Variants in UBA1 observed in about 807,000 individuals in gnomAD.
The protein encoded by UBA1 is ubiquitin-like modifier-activating enzyme 1.
A neutral mutation model predicts 84.7 loss-of-function variants in UBA1; 4 were observed. The observed-to-expected ratio is 0.05, with a 90% confidence interval of 0.02 to 0.11. UBA1 has a LOEUF of 0.11. UBA1 is among the 10% of genes least tolerant of loss of function. UBA1 has a pLI of 1.00. For synonymous variants in UBA1, 364 were observed against 362.6 expected, an observed-to-expected ratio of 1.00 and a Z score of -0.04; for missense variants, 513 against 902.8, an observed-to-expected ratio of 0.57 and a Z score of 5.53.
chrX:47,212,556 A>G (rs1556793820), intron 21 of UBA1, 44 bp downstream of exon 21: 3 of 1,113,526 alleles, frequency 2.7e-6, no homozygotes, highest in South Asian at 3.7e-5. Flanking sequence ...TGGGCAAAGC[A>G]TAGACAGGCT....
At chrX:47,211,989 C>G (rs1425481735) in intron 20 of UBA1, among the ~76,000 whole-genome samples, 1 of 79,167 alleles carries the variant, frequency 1.3e-5, no homozygotes, top group Non-Finnish European at 2.3e-5. Flanking sequence ...TCTTCTCCAT[C>G]TCCCCCCATA....
chrX:47,211,430 A>C (rs183184014), intron 20 of UBA1, among the ~76,000 whole-genome samples: 1 of 111,061 alleles, frequency 9.0e-6, no homozygotes, highest in East Asian at 2.9e-4. Flanking sequence ...CCTTCCCACT[A>C]TCTGGCCCTC....
At chrX:47,194,705 ACT>A (rs1306011717) in intron 1 of UBA1, among the ~76,000 whole-genome samples, 1 of 110,464 alleles carries the variant, frequency 9.1e-6, no homozygotes, top group Non-Finnish European at 1.9e-5. Flanking sequence ...TCCATCAGAG[ACT>A]CTGCCCAGTA....
In UBA1 at chrX:47,205,986, A is replaced by C; in HGVS notation, c.1614A>C (p.Gln538His). ...KSDTAAAAVR[Q>H]MNPHIRVTSH... ...ACACGGCTGCTGCAGCTGTGCGCCA[A>C]ATGAATCCACATATCCGGGTGACAA... is the stretch of plus-strand genomic sequence containing the variant. The change falls in exon 15 of 26, where the codon CAA becomes CAC. Residue 538 changes from glutamine to histidine, a missense_variant. Around this residue, in one of 6 missense-constraint regions of UBA1, gnomAD observed 55 missense variants for 104.8 expected, o/e 0.52. Transcript: ENST00000335972. The C allele has an allele frequency of 8.3e-7, 1 of 1,205,545 alleles. No homozygotes were observed. The highest frequency in any genetic ancestry group is 1.1e-6 in the Non-Finnish European group (1 of 892,254).
At chrX:47,195,148 CGTCTGCA>C (rs1569205377) in intron 1 of UBA1, among the ~76,000 whole-genome samples, 1 of 112,224 alleles carries the variant, frequency 8.9e-6, no homozygotes, top group East Asian at 2.8e-4. Context: ...AGGTCCCTAA[CGTCTGCA>C]GTCAGGGGTT....
Position 47,199,388 on chromosome X carries a change from C to G in UBA1, c.345+11C>G. 8.2e-7 allele frequency: 1 copy of G among 1,212,168 alleles called. No homozygotes were observed. On this transcript the variant is annotated intron_variant, in intron 4 of 25. Transcript: ENST00000335972. ...GATCTTTCCTCCCAGGTACCTCTTC[C>G]TAGCACCCTTCCCCCTTTCCCCCTT...
At chrX:47,203,324 C>A in intron 13 of UBA1, 110 bp downstream of exon 13, 1 of 950,174 alleles carries the variant, frequency 1.1e-6, no homozygotes, top group Non-Finnish European at 1.5e-6. Context: ...CTTTGCCATT[C>A]TCCTTATCTT....
At chrX:47,208,210 C>G (rs1936751233) in intron 16 of UBA1, among the ~76,000 whole-genome samples, 1 of 112,875 alleles carries the variant, frequency 8.9e-6, no homozygotes, top group Non-Finnish European at 1.9e-5. Context: ...GCCATTCAGG[C>G]TGAAGTGTAT....
chrX:47,200,957 C>T lies in UBA1; in HGVS notation c.544C>T (p.Arg182Cys), dbSNP rs1556787676. 3.3e-6 allele frequency: 4 copies of T among 1,205,412 alleles called. No homozygotes were observed. The highest frequency in any genetic ancestry group is 4.5e-6 in the Non-Finnish European group (4 of 892,395). ...QLRVGEFCHN[R>C]GIKLVVADTR... ...GCGAGTGGGTGAGTTCTGTCACAAC[C>T]GTGGCATCAAGCTGGTGGTGGCAGA... Residue 182 changes from arginine (R) to cysteine (C), a missense_variant, in exon 6 of 26, where the codon CGT (arginine) becomes TGT (cysteine). Around this residue, in one of 6 missense-constraint regions of UBA1, gnomAD observed 227 missense variants for 339.1 expected, o/e 0.67. Transcript: ENST00000335972.
chrX:47,214,365 G>C lies in UBA1; in HGVS notation c.2877G>C (p.Glu959Asp). ...NQEWTLWDRF[E>D]VQGLQPNGEE... is the part of the protein sequence containing the mutation. ...AGTGGACATTGTGGGATCGCTTTGAGGTACAAGGGCTGCAGCCTAATGGTG... is the reference window on the plus strand; with the variant it reads ...AGTGGACATTGTGGGATCGCTTTGACGTACAAGGGCTGCAGCCTAATGGTG... Residue 959 changes from glutamate to aspartate, a missense_variant, in exon 24 of 26, where the codon GAG becomes GAC. Glu to Asp is a conservative substitution (Grantham distance 45). Coordinates refer to ENST00000335972, the MANE Select transcript of UBA1 (RefSeq NM_003334.4). The C allele has an allele frequency of 8.3e-7, 1 of 1,211,220 alleles. No homozygotes were observed. Among genetic ancestry groups the C allele is most frequent in the Non-Finnish European group, 1.1e-6 (1 of 895,353 alleles).
At chrX:47,205,685 C>G (rs1391780164) in intron 14 of UBA1, 1 of 406,975 alleles carries the variant, frequency 2.5e-6, no homozygotes, top group African/African-American at 2.5e-5. Context: ...AAAACCCTGT[C>G]TCTACCAAAA....
intron 1 of UBA1, among the ~76,000 whole-genome samples, chrX:47,195,345 G>A (rs1037226307): frequency 9.0e-5 from 10 of 111,471 alleles, no homozygotes. Flanking sequence ...CACCTCCTGG[G>A]TTCAAGCGAT....
At chrX:47,209,829 G>A (rs1936848284) in intron 17 of UBA1, 99 bp from the exon 18 acceptor site, 3 of 1,096,330 alleles carry the variant, frequency 2.7e-6, no homozygotes, top group African/African-American at 3.6e-5. Flanking sequence ...GTTGTTTGGG[G>A]TCGGGACTAG....
chrX:47,198,247 C>T (rs2147247918), intron 1 of UBA1: 1 of 982,487 alleles, frequency 1.0e-6, no homozygotes. Flanking sequence ...CTCCCGCCGC[C>T]ATCCCTGGGA....
At chrX:47,194,234 T>G (rs1165223041) in intron 1 of UBA1, among the ~76,000 whole-genome samples, 1 of 111,708 alleles carries the variant, frequency 9.0e-6, no homozygotes, top group Non-Finnish European at 1.9e-5. Context: ...AATCTGACCT[T>G]GGAGTCGGAC....
chrX:47,211,657 C>T (rs949111789), intron 20 of UBA1, among the ~76,000 whole-genome samples: 6 of 109,363 alleles, frequency 5.5e-5, no homozygotes, highest in East Asian at 2.9e-4. Context: ...TTTGGGGCTG[C>T]GGTTTACTGA....
intron 1 of UBA1, chrX:47,197,577 A>G (rs1936248082): frequency 1.1e-5 from 8 of 749,160 alleles, no homozygotes; most frequent in Non-Finnish European, 1.3e-5. Context: ...CATCTCCAGC[A>G]TGTGGACCCA....
At chrX:47,214,735 G>GC in intron 25 of UBA1, 59 bp from the exon 26 acceptor site, 2 of 1,204,099 alleles carry the variant, frequency 1.7e-6, no homozygotes, top group Non-Finnish European at 2.2e-6. Context: ...CTACCTACCT[G>GC]CCCATCCTCT....
At chrX:47,197,634 C>G (rs2147246600) in intron 1 of UBA1, 1 of 752,331 alleles carries the variant, frequency 1.3e-6, no homozygotes, top group East Asian at 1.5e-4. Flanking sequence ...CTTTATTGTT[C>G]TGTCTCTGGG....
Sources: gnomAD v4.1 joint callset for allele counts (sites outside exome capture counted in the v4.1 genomes callset) on GRCh38, gnomAD v4.1.1 for gene constraint, gnomAD v4.1.1 regional missense constraint, MANE v1.5 for transcripts, NCBI Gene and HGNC (gene_info 2026-07-23, HGNC 2026-07-21) for gene names.